SLC30A5: variants seen among roughly 807,000 people sequenced by gnomAD.
SLC30A5 encodes solute carrier family 30 member 5.
SLC30A5 carries 33 observed loss-of-function variants against 79.6 expected under a neutral mutation model. The observed-to-expected ratio is 0.41, with a 90% CI of 0.31 to 0.55. The LOEUF (loss-of-function observed/expected upper bound fraction) is 0.55. Ranked by LOEUF, SLC30A5 falls within the 20% of genes least tolerant of loss-of-function variation. The probability of loss-of-function intolerance (pLI) is 0.20; values close to 1 mark genes in which losing one functional copy is unlikely to be tolerated. For synonymous variants in SLC30A5, 299 were observed against 319.7 expected (o/e 0.94, Z 0.69); for missense variants, 788 against 928.1 (o/e 0.85, Z 1.96).
At chr5:69,095,392 A>C (rs1407847968) in intron 1 of SLC30A5, among the ~76,000 whole-genome samples, 1 of 151,848 alleles carries the variant, frequency 6.6e-6, no homozygotes, top group East Asian at 1.9e-4. Flanking sequence ...AGTAGAGACG[A>C]GGTTTCTCCA....
At chr5:69,103,645 A>C (rs996055794) in intron 3 of SLC30A5, among the ~76,000 whole-genome samples, 3 of 152,222 alleles carry the variant, frequency 2.0e-5, no homozygotes, top group Admixed American at 2.0e-4. Context: ...ATTAATACTT[A>C]TGAAGTTCTT....
intron 12 of SLC30A5, among the ~76,000 whole-genome samples, chr5:69,119,324 T>A (rs1226275742): frequency 1.3e-5 from 2 of 152,176 alleles, no homozygotes; most frequent in African/African-American, 4.8e-5. Flanking sequence ...CACGCCTGCC[T>A]AATTTTTGGA....
Position 69,116,182 on chromosome 5 carries a change from G to C in SLC30A5, c.1040G>C (p.Gly347Ala), listed in dbSNP as rs1746367603. The C allele has an allele frequency of 6.2e-7, 1 of 1,612,208 alleles. No homozygotes were observed. Among genetic ancestry groups the C allele is most frequent in the East Asian group, 2.2e-5 (1 of 44,854 alleles). ...QESTEHVLSGGVVVSAIFFIL... is the reference protein window; with the variant it reads ...QESTEHVLSGAVVVSAIFFIL... ...AGCACTGAACACGTCCTGTCTGGAG[G>C]AGTGGTAGTGAGTGCTATATTCTTC... Residue 347 changes from glycine to alanine, a missense_variant, in exon 9 of 16, where the codon GGA becomes GCA. By Grantham distance (60) the Gly-to-Ala change is moderately conservative. Coordinates refer to ENST00000396591, the MANE Select transcript of SLC30A5 (RefSeq NM_022902.5). The surrounding 1 kb of genome is among the most constrained non-coding windows in gnomAD (Gnocchi z 4.0).
Position 69,094,078 on chromosome 5 carries a change from C to T in SLC30A5, c.-178C>T, listed in dbSNP as rs1024943439. Reference sequence around the variant, plus strand: ...GGAACTGATCGCGGCCTAGTCCCGACGCGTGTGTGCTAGTGAGCCGGAGCC... The same window carrying T: ...GGAACTGATCGCGGCCTAGTCCCGATGCGTGTGTGCTAGTGAGCCGGAGCC... On this transcript the variant is annotated 5_prime_UTR_variant, in exon 1 of 16. It adds an upstream start codon to the 5' untranslated region. Transcript: ENST00000396591. 1.7e-5 allele frequency: 7 copies of T among 402,444 alleles called. No individual in the cohort carries two copies. Among genetic ancestry groups the T allele is most frequent in the Non-Finnish European group, 2.7e-5 (6 of 226,136 alleles). 24.9% of individuals were successfully genotyped at this position (402,444 alleles called of 1,614,324 possible).
Position 69,104,394 on chromosome 5 carries a change from G to A in SLC30A5, c.274-237G>A, listed in dbSNP as rs184433090. The A allele has an allele frequency of 5.2e-4, 560 of 1,072,942 alleles. 3 individuals carry two copies. The Middle Eastern group carries it at 0.014, about 26-fold the overall frequency. The allele number at this position is 1,072,942 out of a possible 1,614,324, so 66.5% of individuals were successfully genotyped here. On this transcript the variant is annotated intron_variant, in intron 3 of 15. Transcript: ENST00000396591. ...TGACCTCAGGTGATCTGCCTGCCTC[G>A]GCCTCACAAAGTGCTAGGATTACAG...
chr5:69,128,189 C>T (rs967768489), intron 15 of SLC30A5, 57 bp downstream of exon 15: 72 of 1,377,330 alleles, frequency 5.2e-5, no homozygotes, highest in African/African-American at 7.3e-5. Context: ...CAAAATTGTA[C>T]ACCTCATAAG....
chr5:69,108,271 T>A, intron 4 of SLC30A5, 78 bp from the exon 5 acceptor site: 3 of 1,100,778 alleles, frequency 2.7e-6, no homozygotes, highest in Non-Finnish European at 4.0e-6. Context: ...TGTTTTTCTT[T>A]CTCTAACTCT....
In SLC30A5 at chr5:69,127,357, G is replaced by A. The variant is rs568707366; in HGVS notation, c.1999-647G>A. The stretch of plus-strand genomic sequence containing the variant: ...AAAGATAACTGTAACAGCTGGGCAC[G>A]GTGGTCCACACCTATAATCCTAGCA... On this transcript the variant is annotated intron_variant, in intron 14 of 15. Coordinates refer to ENST00000396591, the MANE Select transcript of SLC30A5 (RefSeq NM_022902.5). 1.4e-4 allele frequency among the ~76,000 whole-genome samples: 22 copies of A among 151,994 alleles called. No homozygotes were observed. In the East Asian group the frequency reaches 2.7e-3, roughly 19 times the overall value.
chr5:69,108,219 T>C, intron 4 of SLC30A5, 130 bp from the exon 5 acceptor site: 1 of 686,156 alleles, frequency 1.5e-6, no homozygotes, highest in South Asian at 1.9e-5. Context: ...AAAGCAGTTG[T>C]ACCTATTTAT....
chr5:69,121,953 T>G, intron 13 of SLC30A5, 58 bp downstream of exon 13: 1 of 1,383,824 alleles, frequency 7.2e-7, no homozygotes, highest in Non-Finnish European at 9.9e-7. Context: ...CAACCCTCTG[T>G]GTTTATTTGT....
chr5:69,097,563 G>A (rs1745782615), intron 1 of SLC30A5, among the ~76,000 whole-genome samples: 1 of 152,090 alleles, frequency 6.6e-6, no homozygotes, highest in Non-Finnish European at 1.5e-5. Flanking sequence ...AAACTCCTGG[G>A]CTTAAGCAAT....
chr5:69,128,482 C>G (rs1217787111), intron 15 of SLC30A5, among the ~76,000 whole-genome samples: 8 of 152,168 alleles, frequency 5.3e-5, no homozygotes. Flanking sequence ...AGTCTAGTCT[C>G]AAACTCCTGA....
chr5:69,097,594 A>C lies in SLC30A5; in HGVS notation c.84-3213A>C, dbSNP rs575992413. ...GCAATCCTTCCACCTCAGCCTCCCC[A>C]GTATGTGAGATTGCAGATGTGCACC... On this transcript the variant is annotated intron_variant, in intron 1 of 15. Transcript: ENST00000396591. 5.8e-4 allele frequency among the ~76,000 whole-genome samples: 88 copies of C among 152,266 alleles called. 1 individual carries two copies. Among genetic ancestry groups the C allele is most frequent in the African/African-American group, 2.0e-3 (85 of 41,546 alleles).
chr5:69,101,370 C>G (rs1745913028), intron 2 of SLC30A5, among the ~76,000 whole-genome samples: 3 of 151,714 alleles, frequency 2.0e-5, no homozygotes, highest in Non-Finnish European at 2.9e-5. Flanking sequence ...TCACTGCCTC[C>G]TATGTTCAAG....
At chr5:69,104,133 T>C in intron 3 of SLC30A5, 7 of 876,142 alleles carry the variant, frequency 8.0e-6, no homozygotes, top group Non-Finnish European at 9.1e-6. Context: ...AATACTGTCC[T>C]TTTTTTTTTT....
chr5:69,104,133 T>TC (rs1294297348), intron 3 of SLC30A5: 1 of 876,060 alleles, frequency 1.1e-6, no homozygotes, highest in Non-Finnish European at 1.5e-6. Context: ...AATACTGTCC[T>TC]TTTTTTTTTT....
intron 1 of SLC30A5, among the ~76,000 whole-genome samples, chr5:69,099,537 C>T (rs1029367169): frequency 1.3e-5 from 2 of 152,136 alleles, no homozygotes; most frequent in African/African-American, 2.4e-5. Context: ...GGGTGGGAAC[C>T]TGGGGATCTG....
At chr5:69,095,244 A>C (rs1580160003) in intron 1 of SLC30A5, among the ~76,000 whole-genome samples, 1 of 112,368 alleles carries the variant, frequency 8.9e-6, no homozygotes, top group East Asian at 2.6e-4. Flanking sequence ...TCTTGTTCCC[A>C]GGCTGGAGTG....
intron 15 of SLC30A5, among the ~76,000 whole-genome samples, chr5:69,128,381 C>T (rs752539892): frequency 2.0e-5 from 3 of 151,198 alleles, no homozygotes; most frequent in African/African-American, 4.9e-5. Flanking sequence ...CCTCCCAAGT[C>T]GCTGGGATTA....
Sources: gnomAD v4.1 joint callset for allele counts (sites outside exome capture counted in the v4.1 genomes callset) on GRCh38, gnomAD v4.1.1 for gene constraint, Gnocchi (gnomAD v3.1) non-coding constraint, MANE v1.5 for transcripts, NCBI Gene and HGNC (gene_info 2026-07-23, HGNC 2026-07-21) for gene names.